The following PRH1 variants were observed in gnomAD, a reference collection of about 807,000 sequenced individuals.
PRH1 encodes the protein salivary acidic proline-rich phosphoprotein 1/2.
A neutral mutation model predicts 7.9 loss-of-function variants in PRH1; 7 were observed. The ratio of observed to expected loss-of-function variants is 0.89; its 90% CI spans 0.50 to 1.67. The LOEUF is 1.67. Ranked by LOEUF, PRH1 falls within the 40% of genes most tolerant of loss-of-function variation. The pLI is 0.00. For synonymous variants in PRH1, 45 were observed against 80.8 expected, an observed-to-expected ratio of 0.56 and a Z score of 2.38; for missense variants, 109 against 223.6, an observed-to-expected ratio of 0.49 and a Z score of 3.27.
chr12:11,041,231 G>A (rs1942693695), intron 1 of PRH1, among the ~76,000 whole-genome samples: 1 of 113,294 alleles, frequency 8.8e-6, no homozygotes, highest in Admixed American at 1.1e-4. Context: ...TGCCTATAAA[G>A]ACATGCACAG....
At chr12:10,933,132 G>T (rs1165785606) in intron 2 of PRH1, among the ~76,000 whole-genome samples, 1 of 152,042 alleles carries the variant, frequency 6.6e-6, no homozygotes, top group Non-Finnish European at 1.5e-5. Context: ...AGAGTAATCA[G>T]GTAAAGCTTA....
At chr12:11,030,361 C>A (rs1227528720) in intron 1 of PRH1, 2 of 1,578,954 alleles carry the variant, frequency 1.3e-6, no homozygotes, top group Non-Finnish European at 1.7e-6. Flanking sequence ...CATACACCAC[C>A]AGTTTGTTTT....
chr12:11,007,604 C>T (rs1940887828), intron 1 of PRH1, among the ~76,000 whole-genome samples: 1 of 152,132 alleles, frequency 6.6e-6, no homozygotes, highest in South Asian at 2.1e-4. Flanking sequence ...CTGCCATAGG[C>T]AGGGTGACTA....
intron 2 of PRH1, among the ~76,000 whole-genome samples, chr12:10,941,643 T>C (rs996069751): frequency 6.6e-6 from 1 of 151,970 alleles, no homozygotes; most frequent in Non-Finnish European, 1.5e-5. Flanking sequence ...ATTTTTGGAT[T>C]TCCTTGCATT....
chr12:11,022,269 G>T, intron 1 of PRH1: 1 of 1,614,170 alleles, frequency 6.2e-7, no homozygotes, highest in Middle Eastern at 1.6e-4. Flanking sequence ...ATATGCTGAG[G>T]CTAGCAGCAA....
At chr12:11,112,414 G>A (rs954303114) in intron 1 of PRH1, among the ~76,000 whole-genome samples, 1 of 152,054 alleles carries the variant, frequency 6.6e-6, no homozygotes, top group Admixed American at 6.6e-5. Flanking sequence ...ATAAAATACT[G>A]GCAAGCCAAA....
chr12:11,063,493 C>T (rs1355278045), intron 1 of PRH1, among the ~76,000 whole-genome samples: 1 of 152,016 alleles, frequency 6.6e-6, no homozygotes, highest in Non-Finnish European at 1.5e-5. Context: ...TAACTACTAC[C>T]AAGATTCAGA....
chr12:11,070,032 TAGTC>T (rs1433873468), intron 1 of PRH1, among the ~76,000 whole-genome samples: 3 of 152,116 alleles, frequency 2.0e-5, no homozygotes, highest in Non-Finnish European at 4.4e-5. Context: ...AGTACGTAGT[TAGTC>T]AGGCATGAGT....
intron 2 of PRH1, chr12:10,908,688 G>T: frequency 6.2e-7 from 1 of 1,613,832 alleles, no homozygotes; most frequent in Non-Finnish European, 8.5e-7. Flanking sequence ...TTTCTGCAGG[G>T]AGAAAATTAA....
intron 2 of PRH1, among the ~76,000 whole-genome samples, chr12:10,890,734 A>T (rs1190429193): frequency 6.8e-6 from 1 of 147,868 alleles, no homozygotes; most frequent in Non-Finnish European, 1.5e-5. Flanking sequence ...AAAATTATCC[A>T]GGCATGATGG....
intron 2 of PRH1, among the ~76,000 whole-genome samples, chr12:10,945,202 T>C (rs767265190): frequency 3.9e-5 from 6 of 152,190 alleles, no homozygotes; most frequent in African/African-American, 7.2e-5. Context: ...TTTGGGTTCA[T>C]AGGCTATTTA....
intron 2 of PRH1, among the ~76,000 whole-genome samples, chr12:10,942,698 T>C (rs1950422230): frequency 6.6e-6 from 1 of 152,134 alleles, no homozygotes; most frequent in Non-Finnish European, 1.5e-5. Context: ...GCACAATGGA[T>C]TTGAACTCTT....
rs1296771520 is a variant in PRH1 at position 11,013,357 on chromosome 12, AT to A, written c.-126+33662del. Among the ~76,000 whole-genome samples the A allele has an allele frequency of 6.6e-5, 10 of 152,260 alleles. No individual in the cohort carries two copies. The East Asian group carries it at 1.7e-3, about 27-fold the overall frequency. On this transcript the variant is annotated intron_variant, in intron 1 of 3. Transcript: ENST00000539853. ...CACTGCAGTTCAATAGGAATTAATC[AT>A]TTTTTCAACAAATGATACTGAGAAC... is the stretch of plus-strand genomic sequence containing the variant.
chr12:11,012,747 G>A (rs1439492703), intron 1 of PRH1, among the ~76,000 whole-genome samples: 6 of 151,958 alleles, frequency 3.9e-5, no homozygotes, highest in Admixed American at 3.9e-4. Flanking sequence ...TTGTAGAAAT[G>A]GGGTCTCCCT....
At chr12:11,062,129 C>T (rs796589569) in intron 1 of PRH1, 12 of 1,613,698 alleles carry the variant, frequency 7.4e-6, no homozygotes, top group Non-Finnish European at 9.3e-6. Flanking sequence ...AGTAAACCAA[C>T]TCTGGAGACT....
At chr12:11,083,345 T>TTCTAG (rs371285688) in intron 1 of PRH1, among the ~76,000 whole-genome samples, 4 of 125,454 alleles carry the variant, frequency 3.2e-5, no homozygotes, top group Admixed American at 8.1e-5. Flanking sequence ...CTCTTCCTTT[T>TTCTAG]TTAAATTAAA....
intron 2 of PRH1, among the ~76,000 whole-genome samples, chr12:10,927,007 C>T (rs1042293137): frequency 4.6e-5 from 7 of 152,186 alleles, no homozygotes; most frequent in Non-Finnish European, 8.8e-5. Context: ...GACAGTGTCC[C>T]TTTCAGCTCT....
chr12:11,073,297 A>ATTT (rs550930561), intron 1 of PRH1, among the ~76,000 whole-genome samples: 1 of 45,456 alleles, frequency 2.2e-5, no homozygotes. Flanking sequence ...ATGCCTGGCA[A>ATTT]TTTTTTTTTT....
intron 2 of PRH1, among the ~76,000 whole-genome samples, chr12:10,890,691 T>C (rs1565453163): frequency 2.0e-5 from 3 of 151,708 alleles, no homozygotes; most frequent in African/African-American, 4.8e-5. Context: ...CTGGGTGACA[T>C]AGTGAGACTC....
Sources: gnomAD v4.1 joint callset for allele counts (sites outside exome capture counted in the v4.1 genomes callset) on GRCh38, gnomAD v4.1.1 for gene constraint, MANE v1.5 for transcripts, NCBI Gene and HGNC (gene_info 2026-07-23, HGNC 2026-07-21) for gene names.